The following FHIT variants were observed in gnomAD, a reference collection of about 807,000 sequenced individuals.
The protein encoded by FHIT is bis(5'-adenosyl)-triphosphatase.
FHIT carries 19 observed loss-of-function variants against 17.9 expected under a neutral mutation model. The observed-to-expected ratio is 1.06, with a 90% CI of 0.74 to 1.56. The LOEUF is 1.56. Ranked by LOEUF, FHIT falls within the 40% of genes most tolerant of loss-of-function variation. The pLI, the probability that FHIT is intolerant of heterozygous loss-of-function variation, is 0.00. For synonymous variants in FHIT, 81 were observed against 69.7 expected (o/e 1.16, Z -0.81); for missense variants, 248 against 189.2 (o/e 1.31, Z -1.82).
chr3:60,856,948 C>G (rs1454856352), intron 3 of FHIT, among the ~76,000 whole-genome samples: 1 of 152,132 alleles, frequency 6.6e-6, no homozygotes, highest in Non-Finnish European at 1.5e-5. Context: ...CAACCATGCC[C>G]CACTCCAAAA....
intron 4 of FHIT, among the ~76,000 whole-genome samples, chr3:60,608,998 C>A (rs2038696465): frequency 6.7e-6 from 1 of 149,662 alleles, no homozygotes; most frequent in African/African-American, 2.5e-5. Context: ...TATATGAATG[C>A]ATATGCTGGT....
chr3:60,500,502 G>A (rs980079230), intron 5 of FHIT, among the ~76,000 whole-genome samples: 8 of 152,036 alleles, frequency 5.3e-5, no homozygotes, highest in South Asian at 2.1e-4. Flanking sequence ...GGGCACGGTG[G>A]CTCACGCCTG....
At chr3:60,930,650 C>T (rs1707900551) in intron 3 of FHIT, among the ~76,000 whole-genome samples, 2 of 152,168 alleles carry the variant, frequency 1.3e-5, no homozygotes, top group Admixed American at 6.5e-5. Flanking sequence ...ACATGCAAAT[C>T]AAAACCACAA....
intron 2 of FHIT, among the ~76,000 whole-genome samples, chr3:61,097,043 C>T (rs1178426445): frequency 1.4e-5 from 2 of 139,598 alleles, no homozygotes; most frequent in African/African-American, 5.4e-5. Flanking sequence ...TGCACCAATG[C>T]ACTTCAGCCT....
intron 5 of FHIT, among the ~76,000 whole-genome samples, chr3:60,242,778 C>G (rs1400015740): frequency 6.6e-6 from 1 of 152,050 alleles, no homozygotes; most frequent in Non-Finnish European, 1.5e-5. Context: ...TGGCTGAAAA[C>G]TCTATTAGAC....
chr3:60,950,637 C>T (rs1029054060), intron 3 of FHIT, among the ~76,000 whole-genome samples: 3 of 151,996 alleles, frequency 2.0e-5, no homozygotes, highest in African/African-American at 2.4e-5. Flanking sequence ...CTGCCTCAGT[C>T]TCCCAAGTAG....
chr3:60,515,764 T>C (rs183324580), intron 5 of FHIT, among the ~76,000 whole-genome samples: 1 of 152,266 alleles, frequency 6.6e-6, no homozygotes, highest in East Asian at 1.9e-4. Context: ...ACTCACATGA[T>C]CCTCACAACA....
chr3:60,802,771 T>TA (rs5849390), intron 4 of FHIT, among the ~76,000 whole-genome samples: 103,512 of 150,458 alleles, frequency 0.69, 37,920 homozygotes, highest in East Asian at 0.85. Flanking sequence ...TAAACAGGCT[T>TA]AAAAAAAAAA....
At chr3:60,426,921 G>C (rs1447439615) in intron 5 of FHIT, among the ~76,000 whole-genome samples, 1 of 152,062 alleles carries the variant, frequency 6.6e-6, no homozygotes, top group East Asian at 1.9e-4. Context: ...TCCCTCTTAA[G>C]TATGGGCAAC....
rs559220009 is a variant in FHIT at position 60,969,543 on chromosome 3, T to A, written c.-111+72504A>T. ...ACATCAAAGCTTGATATGTTATATCTTCATTATCAGAAATATTTTTAATTT... is the reference window on the plus strand; with the variant it reads ...ACATCAAAGCTTGATATGTTATATCATCATTATCAGAAATATTTTTAATTT... On this transcript the variant is annotated intron_variant, in intron 3 of 9. Transcript: ENST00000492590. Among the ~76,000 whole-genome samples, 3 of 152,256 alleles carry A rather than the reference T, an allele frequency of 2.0e-5. No individual in the cohort carries two copies. The South Asian group carries it at 6.2e-4, about 32-fold the overall frequency.
intron 4 of FHIT, among the ~76,000 whole-genome samples, chr3:60,697,160 A>G (rs1553700825): frequency 6.6e-6 from 1 of 152,216 alleles, no homozygotes; most frequent in Non-Finnish European, 1.5e-5. Context: ...TTTATATAAA[A>G]TTTAAAATAT....
chr3:60,812,184 T>C (rs868985542), intron 4 of FHIT, among the ~76,000 whole-genome samples: 2 of 151,806 alleles, frequency 1.3e-5, no homozygotes, highest in Admixed American at 6.6e-5. Context: ...TCTTTTTTTT[T>C]TTTTTTTGAG....
At chr3:60,048,222 G>A (rs932534625) in intron 5 of FHIT, among the ~76,000 whole-genome samples, 1 of 152,258 alleles carries the variant, frequency 6.6e-6, no homozygotes, top group East Asian at 1.9e-4. Flanking sequence ...TGCTGTCCAG[G>A]CTGGAGTGCA....
Position 60,997,299 on chromosome 3 carries a change from G to A in FHIT, c.-111+44748C>T, listed in dbSNP as rs556858322. 2.0e-5 allele frequency among the ~76,000 whole-genome samples: 3 copies of A among 152,276 alleles called. No homozygotes were observed. The South Asian group carries it at 6.2e-4, about 32-fold the overall frequency. On this transcript the variant is annotated intron_variant, in intron 3 of 9. Transcript: ENST00000492590. ...AAGGTGCACCTCACAGCCACAGGCT[G>A]CAACAGAGAAAGGTAAAGTGCTGGT...
chr3:60,657,702 A>G (rs1406502288), intron 4 of FHIT, among the ~76,000 whole-genome samples: 1 of 152,056 alleles, frequency 6.6e-6, no homozygotes, highest in East Asian at 1.9e-4. Flanking sequence ...GTATTGCCCA[A>G]TTTTAGCAAG....
chr3:60,656,032 T>C (rs1553689462), intron 4 of FHIT, among the ~76,000 whole-genome samples: 1 of 152,200 alleles, frequency 6.6e-6, no homozygotes, highest in Non-Finnish European at 1.5e-5. Flanking sequence ...TGAGTTCAAT[T>C]ACAATCCCTA....
intron 5 of FHIT, among the ~76,000 whole-genome samples, chr3:60,149,942 C>A (rs6784936): frequency 0.01 from 1,524 of 150,706 alleles, 24 homozygotes; most frequent in African/African-American, 0.035. Flanking sequence ...CTGCAGCCAT[C>A]CTGCCACCAC....
At chr3:61,081,480 T>C (rs76650453) in intron 2 of FHIT, among the ~76,000 whole-genome samples, 106 of 152,356 alleles carry the variant, frequency 7.0e-4, no homozygotes, top group Admixed American at 1.6e-3. Context: ...TTCTACTGTC[T>C]GCTAAAACCA....
intron 5 of FHIT, among the ~76,000 whole-genome samples, chr3:60,131,866 A>C (rs1322811091): frequency 6.6e-6 from 1 of 152,002 alleles, no homozygotes; most frequent in African/African-American, 2.4e-5. Flanking sequence ...TCCTCACTTA[A>C]AACCCCTTTA....
Sources: allele counts gnomAD v4.1 joint callset (sites outside exome capture counted in the v4.1 genomes callset), GRCh38; gene constraint gnomAD v4.1.1; transcripts MANE v1.5; gene names NCBI Gene and HGNC (gene_info 2026-07-23, HGNC 2026-07-21).